NCOA2: variants seen among roughly 807,000 people sequenced by gnomAD.
The protein encoded by NCOA2 is class E basic helix-loop-helix protein 75.
Under a neutral mutation model 145.1 loss-of-function variants are expected in NCOA2, and 21 were observed. That is an observed-to-expected ratio of 0.14 (90% CI 0.10 to 0.21). NCOA2 has a LOEUF of 0.21. Among genes scored for constraint, NCOA2 ranks in the 10% least tolerant of loss-of-function variants. The pLI is 1.00. For synonymous variants in NCOA2, 619 were observed against 637.5 expected (o/e 0.97, Z 0.44); for missense variants, 1,472 against 1,837.6 (o/e 0.80, Z 3.64).
At chr8:70,422,206 CA>C in the NCOA2 span, among the ~76,000 whole-genome samples, 4 of 151,972 alleles carry the variant, frequency 2.6e-5, no homozygotes, top group African/African-American at 7.3e-5. Flanking sequence ...TTCTTTTCTG[CA>C]AAGTTAGGGA....
chr8:70,448,164 T>C, the NCOA2 span, among the ~76,000 whole-genome samples: 1 of 152,194 alleles, frequency 6.6e-6, no homozygotes, highest in Admixed American at 6.5e-5. Flanking sequence ...TAATGCTAAT[T>C]TTTTTTCCTT....
intron 1 of NCOA2, among the ~76,000 whole-genome samples, chr8:70,394,066 T>TA: frequency 6.6e-6 from 1 of 152,372 alleles, no homozygotes; most frequent in South Asian, 2.1e-4. Context: ...AAGGAAAAGA[T>TA]AGTCATGTGG....
chr8:70,243,487 T>C (rs776811304), intron 2 of NCOA2, among the ~76,000 whole-genome samples: 2 of 152,084 alleles, frequency 1.3e-5, no homozygotes, highest in East Asian at 1.9e-4. Context: ...TCCCATATTG[T>C]TTCATACAGT....
rs994900232 is a variant in NCOA2, at chr8:70,109,888, A to C, written c.*3744T>G. The C allele has an allele frequency of 1.6e-5, 3 of 183,434 alleles. No homozygotes were observed. Among genetic ancestry groups the C allele is most frequent in the Non-Finnish European group, 3.5e-5 (3 of 86,230 alleles). The allele number at this position is 183,434 out of a possible 1,614,324, so 11.4% of individuals were successfully genotyped here. ...AATAAGCAAATAGCATCAGCAAAGCAATATTAACTTGCATAAATGTATTTA... is the reference window on the plus strand; with the variant it reads ...AATAAGCAAATAGCATCAGCAAAGCCATATTAACTTGCATAAATGTATTTA... On this transcript the variant is annotated 3_prime_UTR_variant, in exon 23 of 23. Coordinates refer to ENST00000452400, the MANE Select transcript of NCOA2 (RefSeq NM_006540.4).
the NCOA2 span, among the ~76,000 whole-genome samples, chr8:70,416,146 G>A: frequency 1.3e-5 from 2 of 151,784 alleles, no homozygotes; most frequent in African/African-American, 4.8e-5. Context: ...CAGTCTGAAG[G>A]AAGTCTGGAA....
Position 70,199,648 on chromosome 8 carries a change from T to G in NCOA2, c.259+14255A>C, listed in dbSNP as rs558022229. Among the ~76,000 whole-genome samples, 74 of 152,138 alleles carry G rather than the reference T, an allele frequency of 4.9e-4. 2 individuals carry two copies. In the South Asian group the frequency reaches 0.01, roughly 21 times the overall value. On this transcript the variant is annotated intron_variant, in intron 4 of 22. Coordinates refer to ENST00000452400, the MANE Select transcript of NCOA2 (RefSeq NM_006540.4). ...AACAGGAGTGTAACTTCCTTCATTT[T>G]GTAAGAAATTTGGCAATAAAGAGAA... is the stretch of plus-strand genomic sequence containing the variant.
chr8:70,192,600 AAAGG>A (rs1282049567), intron 4 of NCOA2, among the ~76,000 whole-genome samples: 1 of 152,240 alleles, frequency 6.6e-6, no homozygotes, highest in Non-Finnish European at 1.5e-5. Flanking sequence ...ACCAGGGCAG[AAAGG>A]AAGGAAGAGG....
intron 1 of NCOA2, among the ~76,000 whole-genome samples, chr8:70,370,411 C>CT (rs1811105994): frequency 6.6e-6 from 1 of 152,154 alleles, no homozygotes. Context: ...AAAAAACTTA[C>CT]TTTTTCTTGA....
the NCOA2 span, among the ~76,000 whole-genome samples, chr8:70,411,097 A>T: frequency 1.3e-5 from 2 of 152,194 alleles, no homozygotes; most frequent in African/African-American, 2.4e-5. Context: ...TTAGCATTTT[A>T]AAAAACCGGG....
chr8:70,151,855 C>T (rs1811791268), intron 11 of NCOA2, among the ~76,000 whole-genome samples: 1 of 152,108 alleles, frequency 6.6e-6, no homozygotes, highest in South Asian at 2.1e-4. Flanking sequence ...AATATCTATA[C>T]CCCTCAGGTT....
chr8:70,379,552 A>T (rs1811997839), intron 1 of NCOA2, among the ~76,000 whole-genome samples: 1 of 152,164 alleles, frequency 6.6e-6, no homozygotes. Flanking sequence ...GTTGTCACTG[A>T]CATTTTATCT....
intron 4 of NCOA2, among the ~76,000 whole-genome samples, chr8:70,204,900 C>G (rs1220741395): frequency 6.6e-6 from 1 of 152,120 alleles, no homozygotes; most frequent in East Asian, 1.9e-4. Context: ...CCCAGCTACT[C>G]AGGAGGATGA....
chr8:70,444,262 G>T, the NCOA2 span, among the ~76,000 whole-genome samples: 3 of 152,148 alleles, frequency 2.0e-5, no homozygotes, highest in Non-Finnish European at 4.4e-5. Flanking sequence ...TATATTGTAC[G>T]ATTCCATTTA....
At chr8:70,287,112 T>C (rs146648629) in intron 2 of NCOA2, among the ~76,000 whole-genome samples, 1 of 152,138 alleles carries the variant, frequency 6.6e-6, no homozygotes, top group African/African-American at 2.4e-5. Flanking sequence ...GATGTGGTGG[T>C]ATACACCTGT....
chr8:70,146,650 T>A (rs1203885277), intron 12 of NCOA2, among the ~76,000 whole-genome samples: 1 of 151,634 alleles, frequency 6.6e-6, no homozygotes, highest in Non-Finnish European at 1.5e-5. Flanking sequence ...TTCTACACAG[T>A]CCTTCATAAC....
intron 12 of NCOA2, among the ~76,000 whole-genome samples, chr8:70,146,976 C>T (rs377334443): frequency 1.3e-5 from 2 of 152,184 alleles, no homozygotes; most frequent in East Asian, 1.9e-4. Context: ...CAGGCACGTG[C>T]GACTGCGCCC....
intron 12 of NCOA2, among the ~76,000 whole-genome samples, chr8:70,146,147 T>C (rs894028246): frequency 3.3e-5 from 5 of 152,258 alleles, no homozygotes; most frequent in Admixed American, 1.3e-4. Flanking sequence ...TAAAAGTGGT[T>C]ACTCTCATTA....
At chr8:70,260,585 C>T (rs1824030832) in intron 2 of NCOA2, among the ~76,000 whole-genome samples, 1 of 152,150 alleles carries the variant, frequency 6.6e-6, no homozygotes, top group Non-Finnish European at 1.5e-5. Flanking sequence ...TAACCATTTG[C>T]TTTAAACATT....
intron 1 of NCOA2, among the ~76,000 whole-genome samples, chr8:70,327,847 C>G: frequency 6.6e-6 from 1 of 152,124 alleles, no homozygotes; most frequent in South Asian, 2.1e-4. Context: ...CATTACCTAC[C>G]AAGAGCTTCC....
Sources: allele counts gnomAD v4.1 joint callset (sites outside exome capture counted in the v4.1 genomes callset), GRCh38; gene constraint gnomAD v4.1.1; transcripts MANE v1.5; gene names NCBI Gene and HGNC (gene_info 2026-07-23, HGNC 2026-07-21).